The following PRDM5 variants were observed in gnomAD, a reference collection of about 807,000 sequenced individuals.
The protein encoded by PRDM5 is PR/SET domain 5.
In PRDM5, 56 loss-of-function variants were observed where a neutral mutation model predicts 81.2. The ratio of observed to expected loss-of-function variants is 0.69; its 90% CI spans 0.56 to 0.86. The LOEUF (loss-of-function observed/expected upper bound fraction) is 0.86, where lower values mean the gene tolerates loss of function less well. PRDM5 is among the 40% of genes least tolerant of loss of function. The pLI is 0.00. For synonymous variants in PRDM5, 267 were observed against 256.4 expected (o/e 1.04, Z -0.39); for missense variants, 697 against 770.1 (o/e 0.91, Z 1.12).
At chr4:120,807,840 T>G (rs539164409) in intron 8 of PRDM5, among the ~76,000 whole-genome samples, 1 of 150,846 alleles carries the variant, frequency 6.6e-6, no homozygotes, top group South Asian at 2.1e-4. Context: ...GTCCGGAGTT[T>G]GTTCCTTCTG....
chr4:120,917,076 T>A (rs115021250), intron 1 of PRDM5, among the ~76,000 whole-genome samples: 1,884 of 152,330 alleles, frequency 0.012, 25 homozygotes, highest in Middle Eastern at 0.058. Flanking sequence ...GGCTTTGCAG[T>A]GGCCTAAAGG....
rs1751846096 is a variant in PRDM5, at chr4:120,799,715, T to C, written c.976A>G (p.Met326Val). The change falls in exon 9 of 16, where the codon ATG becomes GTG. Residue 326 changes from methionine to valine, a missense_variant. Transcript: ENST00000264808. Reference sequence around the variant, plus strand: ...TGATTAGCTGAAATAAATTTCTTCATACATTCTTGACAATCAAATATCTCA... The same window carrying C: ...TGATTAGCTGAAATAAATTTCTTCACACATTCTTGACAATCAAATATCTCA... ...IHEIFDCQECMKKFISANQLK... is the reference protein window; with the variant it reads ...IHEIFDCQECVKKFISANQLK... 3 of 1,613,004 alleles carry C rather than the reference T, an allele frequency of 1.9e-6. No individual in the cohort carries two copies. Among genetic ancestry groups the C allele is most frequent in the Non-Finnish European group, 2.5e-6 (3 of 1,179,654 alleles).
chr4:120,747,045 CAAT>C (rs1364889622), intron 14 of PRDM5, among the ~76,000 whole-genome samples: 18 of 144,814 alleles, frequency 1.2e-4, no homozygotes, highest in African/African-American at 4.4e-4. Flanking sequence ...AAATGTCCAA[CAAT>C]GATAGATTGG....
chr4:120,922,599 T>G lies in PRDM5; in HGVS notation c.10A>C (p.Met4Leu). The part of the protein sequence containing the change: MLG[M>L]YVPDRFSLKS... ...AGGGAGAACCTGTCCGGCACGTACATGCCCAGCATTTTCCCGGGCGCGGCG... is the reference window on the plus strand; with the variant it reads ...AGGGAGAACCTGTCCGGCACGTACAGGCCCAGCATTTTCCCGGGCGCGGCG... Residue 4 changes from methionine to leucine, a missense_variant, in exon 1 of 16, where the codon ATG becomes CTG. By Grantham distance (15) the Met-to-Leu change is conservative. Transcript: ENST00000264808. The G allele has an allele frequency of 6.2e-7, 1 of 1,606,436 alleles. No homozygotes were observed. The highest frequency in any genetic ancestry group is 8.5e-7 in the Non-Finnish European group (1 of 1,177,258).
intron 3 of PRDM5, among the ~76,000 whole-genome samples, chr4:120,837,113 A>G (rs1018773355): frequency 2.6e-5 from 4 of 152,154 alleles, no homozygotes; most frequent in African/African-American, 9.7e-5. Context: ...CTGTCAGTCC[A>G]ATACTAAGTC....
At chr4:120,684,903 A>T (rs1733778154), downstream of PRDM5, 1 of 151,996 alleles carries the variant, frequency 6.6e-6, no homozygotes, top group Admixed American at 6.6e-5. Flanking sequence ...TTTTCATCTC[A>T]TAGGATGTCA....
At chr4:120,913,026 A>G (rs1385219347) in intron 1 of PRDM5, among the ~76,000 whole-genome samples, 2 of 152,188 alleles carry the variant, frequency 1.3e-5, no homozygotes, top group Non-Finnish European at 2.9e-5. Flanking sequence ...TTCCTTCCCC[A>G]CTGTAGGAAG....
intron 14 of PRDM5, among the ~76,000 whole-genome samples, chr4:120,733,941 G>A (rs1317478989): frequency 6.6e-6 from 1 of 151,076 alleles, no homozygotes; most frequent in Non-Finnish European, 1.5e-5. Flanking sequence ...TAATGTACCA[G>A]TAAAGTATGC....
At chr4:120,690,165 T>C (rs925110218), downstream of PRDM5, among the ~76,000 whole-genome samples, 1 of 152,208 alleles carries the variant, frequency 6.6e-6, no homozygotes, top group African/African-American at 2.4e-5. Flanking sequence ...ATAAAAAGTA[T>C]AGAGTTGGGG....
chr4:120,756,548 C>T (rs950137272), intron 13 of PRDM5, among the ~76,000 whole-genome samples: 1 of 152,126 alleles, frequency 6.6e-6, no homozygotes, highest in Non-Finnish European at 1.5e-5. Context: ...GTAACAGCAT[C>T]AGCAGCAATA....
At chr4:120,898,192 A>G (rs1298198591) in intron 2 of PRDM5, among the ~76,000 whole-genome samples, 2 of 152,140 alleles carry the variant, frequency 1.3e-5, no homozygotes, top group Non-Finnish European at 2.9e-5. Context: ...AGTGTACTAT[A>G]TTCCTACCCA....
At chr4:120,746,441 A>C (rs1042121437) in intron 14 of PRDM5, among the ~76,000 whole-genome samples, 106 of 145,666 alleles carry the variant, frequency 7.3e-4, no homozygotes, top group African/African-American at 2.5e-3. Context: ...ATGGGATCTA[A>C]TTAAACTAAA....
intron 3 of PRDM5, among the ~76,000 whole-genome samples, chr4:120,836,103 G>C (rs1003703447): frequency 6.6e-6 from 1 of 151,986 alleles, no homozygotes; most frequent in Non-Finnish European, 1.5e-5. Flanking sequence ...GAAGGAAGGA[G>C]AGGATAAAGA....
chr4:120,845,653 T>C (rs1185190328), intron 3 of PRDM5, among the ~76,000 whole-genome samples: 1 of 152,220 alleles, frequency 6.6e-6, no homozygotes, highest in Non-Finnish European at 1.5e-5. Flanking sequence ...GATGAATGTT[T>C]TAATTCCTGC....
At chr4:120,920,787 CTGTA>C (rs767412178) in intron 1 of PRDM5, among the ~76,000 whole-genome samples, 73 of 152,172 alleles carry the variant, frequency 4.8e-4, no homozygotes, top group Non-Finnish European at 9.0e-4. Context: ...GGATGAAAAT[CTGTA>C]TGTGTTTTAT....
intron 13 of PRDM5, among the ~76,000 whole-genome samples, chr4:120,769,947 C>A (rs1002869993): frequency 2.6e-5 from 4 of 151,774 alleles, no homozygotes; most frequent in Admixed American, 2.6e-4. Context: ...TAACAATTCT[C>A]TGGTCCACTT....
At chr4:120,915,859 A>G (rs1009494349) in intron 1 of PRDM5, among the ~76,000 whole-genome samples, 5 of 152,172 alleles carry the variant, frequency 3.3e-5, no homozygotes, top group African/African-American at 1.2e-4. Context: ...GAAACCCTAC[A>G]TAAGAGGGCG....
chr4:120,757,857 CTCCT>C (rs1318395688), intron 13 of PRDM5, among the ~76,000 whole-genome samples: 1 of 150,778 alleles, frequency 6.6e-6, no homozygotes, highest in African/African-American at 2.5e-5. Flanking sequence ...CTTCCTCCTC[CTCCT>C]TCTTCTTCTT....
intron 14 of PRDM5, among the ~76,000 whole-genome samples, chr4:120,734,130 C>T (rs762551338): frequency 6.6e-5 from 10 of 151,944 alleles, no homozygotes; most frequent in Admixed American, 1.3e-4. Context: ...GAAGGGGGCA[C>T]GGGCGGGGCA....
Sources: gnomAD v4.1 joint callset for allele counts (sites outside exome capture counted in the v4.1 genomes callset) on GRCh38, gnomAD v4.1.1 for gene constraint, MANE v1.5 for transcripts, NCBI Gene and HGNC (gene_info 2026-07-23, HGNC 2026-07-21) for gene names.